Variants in ANKRD33B observed in about 807,000 individuals in gnomAD.
ANKRD33B encodes ankyrin repeat domain 33B.
A neutral mutation model predicts 21.5 loss-of-function variants in ANKRD33B; 6 were observed. The ratio of observed to expected loss-of-function variants is 0.28; its 90% CI spans 0.15 to 0.55. The LOEUF is 0.55. Among genes scored for constraint, ANKRD33B ranks in the 20% least tolerant of loss-of-function variants. The probability of loss-of-function intolerance (pLI) is 0.94; values close to 1 mark genes in which losing one functional copy is unlikely to be tolerated. For synonymous variants in ANKRD33B, 347 were observed against 342.4 expected, an observed-to-expected ratio of 1.01 and a Z score of -0.15; for missense variants, 698 against 747.2, an observed-to-expected ratio of 0.93 and a Z score of 0.77.
chr5:10,607,555 G>A (rs1736073532), intron 1 of ANKRD33B, among the ~76,000 whole-genome samples: 1 of 152,246 alleles, frequency 6.6e-6, no homozygotes, highest in Admixed American at 6.5e-5. Context: ...TAACGCCAGT[G>A]AGTACTGCAG....
intron 1 of ANKRD33B, among the ~76,000 whole-genome samples, chr5:10,588,792 A>C (rs1252130675): frequency 1.3e-5 from 2 of 152,260 alleles, no homozygotes; most frequent in Admixed American, 1.3e-4. Flanking sequence ...TGGCATGAGC[A>C]GGAAGCAGAC....
At chr5:10,639,628 C>T (rs1408386441) in intron 3 of ANKRD33B, among the ~76,000 whole-genome samples, 17 of 46,286 alleles carry the variant, frequency 3.7e-4, no homozygotes, top group African/African-American at 1.7e-3. Context: ...GCGATGTTAG[C>T]GGGTGACGCG....
At chr5:10,590,589 T>TGC (rs34685376) in intron 1 of ANKRD33B, among the ~76,000 whole-genome samples, 8 of 150,424 alleles carry the variant, frequency 5.3e-5, no homozygotes, top group African/African-American at 1.5e-4. Flanking sequence ...TATTTTGAGA[T>TGC]GCGCGCGCGC....
In ANKRD33B at chr5:10,615,823, C is replaced by A. The variant is rs544353902; in HGVS notation, c.367-2510C>A. ...AAGTTAAAAATGATTTTTGGGTGCT[C>A]CCTGGTGGGATGACAAGTTTTCCGG... On this transcript the variant is annotated intron_variant, in intron 1 of 3. Transcript: ENST00000296657. Among the ~76,000 whole-genome samples, 3 of 152,116 alleles carry A rather than the reference C, an allele frequency of 2.0e-5. No individual in the cohort carries two copies. In the South Asian group the frequency reaches 6.2e-4, roughly 32 times the overall value.
chr5:10,581,265 G>C lies in ANKRD33B; in HGVS notation c.366+16432G>C, dbSNP rs188910483. 3.3e-5 allele frequency among the ~76,000 whole-genome samples: 5 copies of C among 152,346 alleles called. No individual in the cohort carries two copies. The East Asian group carries it at 7.7e-4, about 24-fold the overall frequency. ...GGCACTATTGTCAGAATTGGAACATGATGACAAACCTGCTTTGGGGACTGG... is the reference window on the plus strand; with the variant it reads ...GGCACTATTGTCAGAATTGGAACATCATGACAAACCTGCTTTGGGGACTGG... On this transcript the variant is annotated intron_variant, in intron 1 of 3. Transcript: ENST00000296657.
Position 10,650,212 on chromosome 5 carries a change from T to C in ANKRD33B, c.*99T>C. The C allele has an allele frequency of 7.8e-7, 1 of 1,278,818 alleles. No homozygotes were observed. The highest frequency in any genetic ancestry group is 2.9e-4 in the Middle Eastern group (1 of 3,474). The allele number at this position is 1,278,818 out of a possible 1,614,324, so 79.2% of individuals were successfully genotyped here. On this transcript the variant is annotated 3_prime_UTR_variant, in exon 4 of 4. Coordinates refer to ENST00000296657, the MANE Select transcript of ANKRD33B (RefSeq NM_001164440.2). Reference sequence around the variant, plus strand: ...GCGGCCCCGTTGCGCATCGCACCACTTCCGCTCCATGGACCACGGGGCTGC... The same window carrying C: ...GCGGCCCCGTTGCGCATCGCACCACCTCCGCTCCATGGACCACGGGGCTGC...
At chr5:10,629,130 G>A (rs546616829) in intron 2 of ANKRD33B, among the ~76,000 whole-genome samples, 296 of 152,248 alleles carry the variant, frequency 1.9e-3, no homozygotes, top group African/African-American at 7.0e-3. Context: ...TGAGTAGTGG[G>A]GATGGTCAGA....
intron 3 of ANKRD33B, among the ~76,000 whole-genome samples, chr5:10,640,507 T>G (rs1737024112): frequency 6.6e-6 from 1 of 152,258 alleles, no homozygotes; most frequent in South Asian, 2.1e-4. Flanking sequence ...ATGATCATCC[T>G]TCGTGCAACC....
intron 1 of ANKRD33B, among the ~76,000 whole-genome samples, chr5:10,596,880 G>A (rs1735829755): frequency 6.6e-6 from 1 of 152,090 alleles, no homozygotes; most frequent in African/African-American, 2.4e-5. Context: ...AGAAGAGATT[G>A]GGGGACAATA....
intron 1 of ANKRD33B, among the ~76,000 whole-genome samples, chr5:10,565,348 A>G (rs1457451718): frequency 6.6e-6 from 1 of 152,156 alleles, no homozygotes; most frequent in African/African-American, 2.4e-5. Context: ...CTCCAGCCGC[A>G]ATGATTTGGA....
chr5:10,606,895 A>T (rs1386918388), intron 1 of ANKRD33B, among the ~76,000 whole-genome samples: 1 of 151,380 alleles, frequency 6.6e-6, no homozygotes, highest in Non-Finnish European at 1.5e-5. Context: ...CACCTGGCTC[A>T]TTTTTTTGTA....
intron 2 of ANKRD33B, among the ~76,000 whole-genome samples, chr5:10,632,266 C>A (rs1736739155): frequency 6.6e-6 from 1 of 152,080 alleles, no homozygotes; most frequent in South Asian, 2.1e-4. Flanking sequence ...GAAGATGAGT[C>A]ATCCAGGAGA....
At chr5:10,635,865 G>GA (rs11368974) in intron 2 of ANKRD33B, among the ~76,000 whole-genome samples, 64,285 of 152,016 alleles carry the variant, frequency 0.42, 13,836 homozygotes, top group Middle Eastern at 0.56. Context: ...TTGCTGAACT[G>GA]AAGGGGCTAG....
chr5:10,629,268 A>G (rs1279123025), intron 2 of ANKRD33B, among the ~76,000 whole-genome samples: 1 of 152,198 alleles, frequency 6.6e-6, no homozygotes, highest in Non-Finnish European at 1.5e-5. Flanking sequence ...AGGGATGGAG[A>G]AACAAAGACA....
At chr5:10,637,462 A>ACACACACGGCGG (rs1491289427) in intron 2 of ANKRD33B, among the ~76,000 whole-genome samples, 1 of 114,580 alleles carries the variant, frequency 8.7e-6, no homozygotes, top group African/African-American at 3.2e-5. Context: ...ACACACACAC[A>ACACACACGGCGG]CGGCGGCGGG....
At chr5:10,618,556 A>T in intron 2 of ANKRD33B, 94 bp downstream of exon 2, 1 of 1,421,944 alleles carries the variant, frequency 7.0e-7, no homozygotes, top group Admixed American at 2.6e-5. Context: ...TCAGGATGGA[A>T]ATGATCAGAG....
At position 10,570,982 on chromosome 5, in the gene ANKRD33B, G is replaced by A. The variant is rs190039452; in HGVS notation, c.366+6149G>A. 1.3e-3 allele frequency among the ~76,000 whole-genome samples: 192 copies of A among 149,892 alleles called. 1 individual carries two copies. Among genetic ancestry groups the A allele is most frequent in the African/African-American group, 4.4e-3 (180 of 40,578 alleles). ...ATTTAGTTTTTAAAAAAATTCCTTG[G>A]TATAAGTGTGTTTGTGTTTATAACA... On this transcript the variant is annotated intron_variant, in intron 1 of 3. Coordinates refer to ENST00000296657, the MANE Select transcript of ANKRD33B (RefSeq NM_001164440.2).
Position 10,651,094 on chromosome 5 carries a change from C to G in ANKRD33B, c.*981C>G, listed in dbSNP as rs1434939319. On this transcript the variant is annotated 3_prime_UTR_variant, in exon 4 of 4. Transcript: ENST00000296657. ...CAGGAGCCCAGAATGACGCAAATTA[C>G]AGGAATGGGGAGGAGGTGATTTTTA... 1.3e-5 allele frequency: 2 copies of G among 152,224 alleles called. No individual in the cohort carries two copies. The highest frequency in any genetic ancestry group is 2.4e-5 in the African/African-American group (1 of 41,406). The allele number at this position is 152,224 out of a possible 1,614,324, so 9.4% of individuals were successfully genotyped here. A position where few individuals can be genotyped will look rare whatever the true frequency, so the allele number is the denominator to read the frequency against.
intron 3 of ANKRD33B, among the ~76,000 whole-genome samples, chr5:10,640,623 A>C (rs1737026860): frequency 6.6e-6 from 1 of 152,206 alleles, no homozygotes; most frequent in African/African-American, 2.4e-5. Flanking sequence ...TGCTGCTTTC[A>C]CCATTACTTA....
Sources: allele counts gnomAD v4.1 joint callset (sites outside exome capture counted in the v4.1 genomes callset), GRCh38; gene constraint gnomAD v4.1.1; transcripts MANE v1.5; gene names NCBI Gene and HGNC (gene_info 2026-07-23, HGNC 2026-07-21).